The following KDM1A variants were observed in gnomAD, a reference collection of about 807,000 sequenced individuals.
The protein encoded by KDM1A is lysine-specific histone demethylase 1A.
KDM1A carries 49 observed loss-of-function variants against 109.4 expected under a neutral mutation model. The ratio of observed to expected loss-of-function variants is 0.45; its 90% confidence interval spans 0.36 to 0.57. The LOEUF is 0.57. Ranked by LOEUF, KDM1A falls within the 20% of genes least tolerant of loss-of-function variation. The pLI is 0.00. For synonymous variants in KDM1A, 380 were observed against 415.4 expected (o/e 0.91, Z 1.04); for missense variants, 668 against 1,116.6 (o/e 0.60, Z 5.73).
At chr1:23,050,335 C>T (rs1403058573) in intron 3 of KDM1A, 52 bp from the exon 4 acceptor site, 27 of 1,539,686 alleles carry the variant, frequency 1.8e-5, no homozygotes, top group Middle Eastern at 1.7e-4. Context: ...CATCACTACC[C>T]GTTTTGTATT....
At position 23,083,510 on chromosome 1, in the gene KDM1A, G is replaced by A; in HGVS notation, c.*146G>A. On this transcript the variant is annotated 3_prime_UTR_variant, in exon 21 of 21. Transcript: ENST00000400181. ...TGATGGAGCTCCTGATTTGACAAAG[G>A]AGCTTGCCTCCTTTGAATGACCTAG... 1.4e-6 allele frequency: 1 copy of A among 725,114 alleles called. No individual in the cohort carries two copies. Among genetic ancestry groups the A allele is most frequent in the Non-Finnish European group, 2.2e-6 (1 of 464,194 alleles). The allele number at this position is 725,114 out of a possible 1,614,324, so 44.9% of individuals were successfully genotyped here. A position where few individuals can be genotyped will look rare whatever the true frequency, so the allele number is the denominator to read the frequency against.
chr1:23,047,818 G>A (rs1278173751), intron 3 of KDM1A, among the ~76,000 whole-genome samples: 2 of 151,664 alleles, frequency 1.3e-5, no homozygotes, highest in Non-Finnish European at 2.9e-5. Flanking sequence ...AGCTACTTGA[G>A]CTCAGGAGGT....
At chr1:23,073,091 G>A (rs1317798424) in intron 14 of KDM1A, among the ~76,000 whole-genome samples, 2 of 149,434 alleles carry the variant, frequency 1.3e-5, no homozygotes, top group African/African-American at 5.0e-5. Context: ...TTTGCTTTAC[G>A]TAGTGAGCTT....
At chr1:23,068,972 C>A in intron 11 of KDM1A, 89 bp from the exon 12 acceptor site, 1 of 842,414 alleles carries the variant, frequency 1.2e-6, no homozygotes, top group Non-Finnish European at 1.9e-6. Context: ...TTTCAGTGGG[C>A]CTTGATGCCC....
At chr1:23,075,586 G>A (rs1222017730) in intron 15 of KDM1A, among the ~76,000 whole-genome samples, 2 of 134,786 alleles carry the variant, frequency 1.5e-5, no homozygotes, top group African/African-American at 5.5e-5. Context: ...AAAAAAAAAT[G>A]TATAGAAGTA....
At chr1:23,073,076 T>A (rs529846538) in intron 14 of KDM1A, among the ~76,000 whole-genome samples, 28 of 152,262 alleles carry the variant, frequency 1.8e-4, no homozygotes, top group African/African-American at 6.5e-4. Context: ...GAGGCCTACA[T>A]GTAATTTGCT....
intron 2 of KDM1A, among the ~76,000 whole-genome samples, chr1:23,037,160 C>T (rs533431224): frequency 1.4e-5 from 2 of 145,502 alleles, no homozygotes; most frequent in African/African-American, 2.6e-5. Flanking sequence ...ACAAATTAGC[C>T]GGGAGTGGTG....
At chr1:23,054,844 T>C (rs1642778922) in intron 5 of KDM1A, among the ~76,000 whole-genome samples, 1 of 152,070 alleles carries the variant, frequency 6.6e-6, no homozygotes, top group African/African-American at 2.4e-5. Context: ...CAGGCTGGTC[T>C]TGAACTCCTG....
Position 23,019,468 on chromosome 1 carries a change from G to A in KDM1A, c.-129G>A. Reference sequence around the variant, plus strand: ...GTCCCGGCGCGGCGGGAGCGCGCTTGGCGCGTGCGTACGCGACGGCGGTTG... The same window carrying A: ...GTCCCGGCGCGGCGGGAGCGCGCTTAGCGCGTGCGTACGCGACGGCGGTTG... On this transcript the variant is annotated 5_prime_UTR_variant, in exon 1 of 21. Coordinates refer to ENST00000400181, the MANE Select transcript of KDM1A (RefSeq NM_001009999.3). The A allele has an allele frequency of 1.6e-6, 2 of 1,237,064 alleles. No individual in the cohort carries two copies. Among genetic ancestry groups the A allele is most frequent in the Non-Finnish European group, 2.0e-6 (2 of 981,884 alleles). 76.6% of individuals were successfully genotyped at this position (1,237,064 alleles called of 1,614,324 possible).
At chr1:23,041,197 G>A (rs1175232325) in intron 2 of KDM1A, among the ~76,000 whole-genome samples, 1 of 152,150 alleles carries the variant, frequency 6.6e-6, no homozygotes, top group African/African-American at 2.4e-5. Flanking sequence ...TGATCTTTCA[G>A]TTGTCTTTGG....
intron 1 of KDM1A, chr1:23,020,170 T>A (rs1179657268): frequency 4.7e-6 from 2 of 428,936 alleles, no homozygotes; most frequent in Non-Finnish European, 8.1e-6. Context: ...CCGAGCGACG[T>A]GGGAAGGGGC....
intron 5 of KDM1A, among the ~76,000 whole-genome samples, chr1:23,054,455 T>C (rs1642764302): frequency 6.6e-6 from 1 of 152,164 alleles, no homozygotes; most frequent in Admixed American, 6.5e-5. Flanking sequence ...TTTGGCCTGC[T>C]TCACAGACTA....
chr1:23,079,222 T>C lies in KDM1A; in HGVS notation c.2055+45T>C, dbSNP rs775553368. ...CCTGTCTACAGATCTGATGTACAAA[T>C]AGCAGTCTTCGTTGTTTACTTGGTG... On this transcript the variant is annotated intron_variant, in intron 17 of 20. Transcript: ENST00000400181. The surrounding 1 kb of genome is among the most constrained non-coding windows in gnomAD (Gnocchi z 5.6). The C allele has an allele frequency of 3.2e-6, 5 of 1,574,770 alleles. No individual in the cohort carries two copies. The highest frequency in any genetic ancestry group is 4.3e-6 in the Non-Finnish European group (5 of 1,155,578).
intron 10 of KDM1A, 115 bp from the exon 11 acceptor site, chr1:23,068,424 G>A (rs1166797104): frequency 1.3e-6 from 1 of 778,502 alleles, no homozygotes; most frequent in Non-Finnish European, 1.9e-6. Flanking sequence ...GTGCTCAAAG[G>A]TTTCCCCTTT....
intron 2 of KDM1A, among the ~76,000 whole-genome samples, chr1:23,043,664 T>C (rs1569697591): frequency 6.6e-6 from 1 of 152,222 alleles, no homozygotes; most frequent in African/African-American, 2.4e-5. Flanking sequence ...ATCTATTCTT[T>C]ATCAGATTGA....
chr1:23,071,560 T>C (rs889229376), intron 13 of KDM1A, among the ~76,000 whole-genome samples: 5 of 152,252 alleles, frequency 3.3e-5, no homozygotes, highest in Non-Finnish European at 5.9e-5. Flanking sequence ...ATTCTTATCC[T>C]GTCTTAATAA....
At position 23,019,577 on chromosome 1, in the gene KDM1A, C is replaced by T; in HGVS notation, c.-20C>T. 7.2e-7 allele frequency: 1 copy of T among 1,394,340 alleles called. No individual in the cohort carries two copies. The highest frequency in any genetic ancestry group is 9.2e-7 in the Non-Finnish European group (1 of 1,082,768). The allele number at this position is 1,394,340 out of a possible 1,614,324, so 86.4% of individuals were successfully genotyped here. A position where few individuals can be genotyped will look rare whatever the true frequency, so the allele number is the denominator to read the frequency against. ...CAGAGCGAGCGGCCCCTACGGCCGTCGGCGGCCCGGCGGCCCGAGATGTTA... is the reference window on the plus strand; with the variant it reads ...CAGAGCGAGCGGCCCCTACGGCCGTTGGCGGCCCGGCGGCCCGAGATGTTA... On this transcript the variant is annotated 5_prime_UTR_variant, in exon 1 of 21. Coordinates refer to ENST00000400181, the MANE Select transcript of KDM1A (RefSeq NM_001009999.3).
At chr1:23,055,225 TTATATC>T (rs1352855588) in intron 6 of KDM1A, 64 bp downstream of exon 6, 2 of 870,894 alleles carry the variant, frequency 2.3e-6, no homozygotes, top group Admixed American at 4.8e-5. Flanking sequence ...GGACTGTATT[TTATATC>T]TATGATGACG....
At chr1:23,072,904 T>G (rs1198056246) in intron 14 of KDM1A, among the ~76,000 whole-genome samples, 58 of 152,258 alleles carry the variant, frequency 3.8e-4, no homozygotes, top group Admixed American at 3.8e-3. Flanking sequence ...CCTCCCAAAG[T>G]GCTGGGATTA....
Sources: allele counts gnomAD v4.1 joint callset (sites outside exome capture counted in the v4.1 genomes callset), GRCh38; gene constraint gnomAD v4.1.1; non-coding constraint Gnocchi (gnomAD v3.1); transcripts MANE v1.5; gene names NCBI Gene and HGNC (gene_info 2026-07-23, HGNC 2026-07-21).